Variants in SLC22A25 observed in about 807,000 individuals in gnomAD.
SLC22A25 encodes MGI:2442751, MGI:2385316, MGI:3042283, MGI:3645714, MGI:3605624, MGI:2442750.
A neutral mutation model predicts 45.9 loss-of-function variants in SLC22A25; 44 were observed. The ratio of observed to expected loss-of-function variants is 0.96; its 90% CI spans 0.75 to 1.23. The LOEUF is 1.23. SLC22A25 is among the 50% of genes most tolerant of loss of function. SLC22A25 has a pLI of 0.00. For missense variants in SLC22A25, 800 were observed against 666.4 expected, an observed-to-expected ratio of 1.20 and a Z score of -2.21; for synonymous variants, 283 against 238.6, an observed-to-expected ratio of 1.19 and a Z score of -1.72.
chr11:63,233,078 T>C (rs561207314), intron 3 of SLC22A25, among the ~76,000 whole-genome samples: 2 of 152,342 alleles, frequency 1.3e-5, no homozygotes, highest in Non-Finnish European at 2.9e-5. Context: ...TCATCAAGGA[T>C]ATTGGTCTAA....
chr11:63,189,966 C>A (rs896424713), intron 7 of SLC22A25, among the ~76,000 whole-genome samples: 1 of 152,214 alleles, frequency 6.6e-6, no homozygotes, highest in African/African-American at 2.4e-5. Flanking sequence ...TTCTGTCTGG[C>A]TGCCCTTAAC....
chr11:63,167,528 A>G (rs1338672232), intron 9 of SLC22A25: 2 of 152,258 alleles, frequency 1.3e-5, no homozygotes, highest in East Asian at 3.8e-4. Context: ...TTTTCCCCTC[A>G]CAGTGTTAAG....
chr11:63,215,069 A>G (rs55667200), intron 7 of SLC22A25, among the ~76,000 whole-genome samples: 2 of 152,120 alleles, frequency 1.3e-5, no homozygotes, highest in African/African-American at 4.8e-5. Context: ...TGACCCAGCA[A>G]TCCCATTATT....
At chr11:63,238,265 T>C (rs554850892) in intron 2 of SLC22A25, among the ~76,000 whole-genome samples, 7 of 152,214 alleles carry the variant, frequency 4.6e-5, no homozygotes, top group African/African-American at 1.7e-4. Flanking sequence ...TAAGTGTGGT[T>C]CTCAAATTTT....
At chr11:63,209,773 T>C (rs557747670) in intron 7 of SLC22A25, among the ~76,000 whole-genome samples, 2 of 152,334 alleles carry the variant, frequency 1.3e-5, no homozygotes, top group Admixed American at 6.5e-5. Flanking sequence ...AATTCTATTA[T>C]TATGACACAC....
chr11:63,176,484 G>A (rs11231393), intron 9 of SLC22A25, among the ~76,000 whole-genome samples: 9,805 of 151,716 alleles, frequency 0.065, 393 homozygotes, highest in Non-Finnish European at 0.091. Context: ...AAATGAGATT[G>A]CTTCTTAATC....
chr11:63,242,900 A>G (rs1010806179), intron 1 of SLC22A25, among the ~76,000 whole-genome samples: 1 of 152,096 alleles, frequency 6.6e-6, no homozygotes, highest in African/African-American at 2.4e-5. Flanking sequence ...CCACTGCCCA[A>G]TCCTCACCTC....
intron 7 of SLC22A25, among the ~76,000 whole-genome samples, chr11:63,200,173 G>A (rs1565096765): frequency 6.6e-6 from 1 of 151,678 alleles, no homozygotes; most frequent in Non-Finnish European, 1.5e-5. Flanking sequence ...GCATCATCCT[G>A]ACGCCAAAAC....
intron 8 of SLC22A25, among the ~76,000 whole-genome samples, chr11:63,181,893 G>C (rs1032372781): frequency 4.6e-5 from 7 of 151,996 alleles, no homozygotes; most frequent in Admixed American, 4.6e-4. Flanking sequence ...TAAAAATTTT[G>C]ATCTCCATGT....
chr11:63,161,193 T>A lies in SLC22A25; in HGVS notation c.*2631A>T, dbSNP rs1008363967. On this transcript the variant is annotated 3_prime_UTR_variant, in exon 12 of 12. Transcript: ENST00000306494. ...TTTGGTCAATTTCTCCCATTTGGAATGGATGTATTTATCCAATGCCTGTAC... is the reference window on the plus strand; with the variant it reads ...TTTGGTCAATTTCTCCCATTTGGAAAGGATGTATTTATCCAATGCCTGTAC... Among the ~76,000 whole-genome samples, 3 of 152,202 alleles carry A rather than the reference T, an allele frequency of 2.0e-5. No homozygotes were observed. Among genetic ancestry groups the A allele is most frequent in the Non-Finnish European group, 2.9e-5 (2 of 68,034 alleles).
intron 9 of SLC22A25, among the ~76,000 whole-genome samples, chr11:63,175,266 A>G (rs2088044113): frequency 6.6e-6 from 1 of 152,064 alleles, no homozygotes; most frequent in African/African-American, 2.4e-5. Context: ...GCCAACAGTT[A>G]TTATCTCTTA....
Position 63,159,985 on chromosome 11 carries a change from T to C in SLC22A25, c.*3839A>G, listed in dbSNP as rs959583453. Among the ~76,000 whole-genome samples, 1 of 152,166 alleles carries C rather than the reference T, an allele frequency of 6.6e-6. No individual in the cohort carries two copies. The highest frequency in any genetic ancestry group is 1.5e-5 in the Non-Finnish European group (1 of 68,022). ...GATTTAGGGTATCTGTCAGAAGAAATTTTTAAGCAGCAAAGCATTCAAGAT... is the reference window on the plus strand; with the variant it reads ...GATTTAGGGTATCTGTCAGAAGAAACTTTTAAGCAGCAAAGCATTCAAGAT... On this transcript the variant is annotated 3_prime_UTR_variant, in exon 12 of 12. Coordinates refer to ENST00000306494, the MANE Select transcript of SLC22A25 (RefSeq NM_199352.6).
intron 7 of SLC22A25, among the ~76,000 whole-genome samples, chr11:63,203,087 TAACA>T (rs2089296901): frequency 6.6e-6 from 1 of 151,978 alleles, no homozygotes; most frequent in Non-Finnish European, 1.5e-5. Flanking sequence ...GAAGTCAAAC[TAACA>T]AACAGAAAGG....
intron 10 of SLC22A25, among the ~76,000 whole-genome samples, 176 bp from the exon 11 acceptor site, chr11:63,164,810 C>T (rs780443246): frequency 1.6e-4 from 25 of 152,138 alleles, no homozygotes; most frequent in Non-Finnish European, 3.2e-4. Flanking sequence ...ATGTGATTGG[C>T]CTACATATTG....
At chr11:63,235,853 C>T (rs2090153843) in intron 3 of SLC22A25, among the ~76,000 whole-genome samples, 1 of 152,110 alleles carries the variant, frequency 6.6e-6, no homozygotes, top group African/African-American at 2.4e-5. Context: ...GTTAGTTTTC[C>T]TTCTAACAGT....
At chr11:63,190,253 CT>C (rs2088752543) in intron 7 of SLC22A25, among the ~76,000 whole-genome samples, 1 of 152,082 alleles carries the variant, frequency 6.6e-6, no homozygotes, top group African/African-American at 2.4e-5. Context: ...TCTTTTTACT[CT>C]TTTTTCTCTA....
chr11:63,243,470 T>A lies in SLC22A25; in HGVS notation c.-1032A>T, dbSNP rs1196347292. ...CTTCGCCAGGATCCCAACTTCAAAG[T>A]CCCATCTGCAACTCCTGGGTGCTGT... On this transcript the variant is annotated 5_prime_UTR_variant, in exon 1 of 12. Coordinates refer to ENST00000306494, the MANE Select transcript of SLC22A25 (RefSeq NM_199352.6). The A allele has an allele frequency of 2.0e-5, 15 of 761,410 alleles. No individual in the cohort carries two copies. Among genetic ancestry groups the A allele is most frequent in the African/African-American group, 1.9e-4 (11 of 58,682 alleles). 47.2% of individuals were successfully genotyped at this position (761,410 alleles called of 1,614,324 possible). A position where few individuals can be genotyped will look rare whatever the true frequency, so the allele number is the denominator to read the frequency against.
In SLC22A25 at chr11:63,231,427, C is replaced by G. The variant is rs996746671; in HGVS notation, c.-444-1331G>C. 2.0e-5 allele frequency among the ~76,000 whole-genome samples: 3 copies of G among 152,142 alleles called. No homozygotes were observed. The South Asian group carries it at 6.2e-4, about 31-fold the overall frequency. Reference sequence around the variant, plus strand: ...TGGTGATGAGCATTTTTTCATGTGTCTTTTGACTGCATAAATGTCTTCTTT... The same window carrying G: ...TGGTGATGAGCATTTTTTCATGTGTGTTTTGACTGCATAAATGTCTTCTTT... On this transcript the variant is annotated intron_variant, in intron 3 of 11. Coordinates refer to ENST00000306494, the MANE Select transcript of SLC22A25 (RefSeq NM_199352.6).
intron 7 of SLC22A25, among the ~76,000 whole-genome samples, chr11:63,212,015 A>G (rs1488387234): frequency 6.6e-6 from 1 of 152,264 alleles, no homozygotes; most frequent in African/African-American, 2.4e-5. Context: ...AAGGATATGA[A>G]TAGACACTTC....
Sources: allele counts gnomAD v4.1 joint callset (sites outside exome capture counted in the v4.1 genomes callset), GRCh38; gene constraint gnomAD v4.1.1; transcripts MANE v1.5; gene names NCBI Gene and HGNC (gene_info 2026-07-23, HGNC 2026-07-21).